The following ADGRB3 variants were observed in gnomAD, a reference collection of about 807,000 sequenced individuals.
ADGRB3 encodes the protein adhesion G protein-coupled receptor B3.
A neutral mutation model predicts 193.4 loss-of-function variants in ADGRB3; 37 were observed. The observed-to-expected ratio is 0.19, with a 90% CI of 0.15 to 0.25. The LOEUF is 0.25. Among genes scored for constraint, ADGRB3 ranks in the 10% least tolerant of loss-of-function variants. ADGRB3 has a pLI of 1.00. For missense variants in ADGRB3, 1,637 were observed against 1,852.9 expected, an observed-to-expected ratio of 0.88 and a Z score of 2.14; for synonymous variants, 690 against 644.2, an observed-to-expected ratio of 1.07 and a Z score of -1.08.
intron 10 of ADGRB3, among the ~76,000 whole-genome samples, chr6:68,988,121 G>A (rs1280930862): frequency 6.6e-6 from 1 of 152,104 alleles, no homozygotes; most frequent in African/African-American, 2.4e-5. Context: ...GTACTTTTGT[G>A]TGTCACATAG....
intron 16 of ADGRB3, among the ~76,000 whole-genome samples, chr6:69,070,368 G>A (rs1772045313): frequency 6.6e-6 from 1 of 151,964 alleles, no homozygotes; most frequent in Non-Finnish European, 1.5e-5. Flanking sequence ...ATTGATCTGT[G>A]GGGTACAATG....
At chr6:69,207,291 C>T (rs1031063373) in intron 17 of ADGRB3, among the ~76,000 whole-genome samples, 1 of 152,156 alleles carries the variant, frequency 6.6e-6, no homozygotes, top group Non-Finnish European at 1.5e-5. Flanking sequence ...GTGCCACTTC[C>T]ACTTCCATCC....
At chr6:69,164,765 G>T (rs1253977210) in intron 17 of ADGRB3, among the ~76,000 whole-genome samples, 18 of 152,104 alleles carry the variant, frequency 1.2e-4, no homozygotes, top group Admixed American at 1.2e-3. Context: ...TGAACTCTGG[G>T]AACCTCAATT....
intron 20 of ADGRB3, among the ~76,000 whole-genome samples, chr6:69,308,087 A>G (rs908114731): frequency 1.3e-5 from 2 of 151,484 alleles, no homozygotes; most frequent in Non-Finnish European, 2.9e-5. Context: ...TTGAGAAGAT[A>G]TAGACTTTTT....
At chr6:69,332,026 C>CAG (rs2127314391) in intron 23 of ADGRB3, 1 of 985,358 alleles carries the variant, frequency 1.0e-6, no homozygotes, top group Non-Finnish European at 1.2e-6. Context: ...TCTTCATTGG[C>CAG]AGCAGGGCAG....
chr6:69,023,887 T>G (rs751849907), intron 13 of ADGRB3, among the ~76,000 whole-genome samples: 12 of 152,092 alleles, frequency 7.9e-5, no homozygotes, highest in Non-Finnish European at 1.3e-4. Context: ...CATAACTGAC[T>G]GGGGTGTGAG....
chr6:68,640,752 C>T (rs1303516157), intron 3 of ADGRB3, among the ~76,000 whole-genome samples: 2 of 152,024 alleles, frequency 1.3e-5, no homozygotes, highest in African/African-American at 2.4e-5. Flanking sequence ...GATGGAGAAC[C>T]GAAATAGCCT....
intron 20 of ADGRB3, among the ~76,000 whole-genome samples, chr6:69,261,588 T>C (rs959946257): frequency 6.6e-6 from 1 of 152,048 alleles, no homozygotes; most frequent in Non-Finnish European, 1.5e-5. Flanking sequence ...CATTATAAAA[T>C]AAGAAAGTCC....
At chr6:68,925,537 T>C (rs887903784) in intron 3 of ADGRB3, among the ~76,000 whole-genome samples, 1 of 152,042 alleles carries the variant, frequency 6.6e-6, no homozygotes. Context: ...TTAATATTCT[T>C]TCTTGTTAGG....
intron 20 of ADGRB3, among the ~76,000 whole-genome samples, chr6:69,279,071 GTATATATATATATA>G (rs57824884): frequency 0.015 from 1,080 of 71,384 alleles, 53 homozygotes; most frequent in Middle Eastern, 0.03. Context: ...AAATACATAT[GTATATATATATATA>G]TATATATATA....
chr6:69,070,569 G>T (rs1272865939), intron 16 of ADGRB3, among the ~76,000 whole-genome samples: 2 of 152,078 alleles, frequency 1.3e-5, no homozygotes, highest in Non-Finnish European at 2.9e-5. Context: ...AATGTTTTCA[G>T]CATGTTATTT....
intron 3 of ADGRB3, among the ~76,000 whole-genome samples, chr6:68,789,904 C>T (rs188422610): frequency 5.3e-5 from 8 of 152,284 alleles, no homozygotes; most frequent in African/African-American, 1.7e-4. Flanking sequence ...TCATTAATTT[C>T]GTCTTCCATT....
intron 3 of ADGRB3, among the ~76,000 whole-genome samples, chr6:68,773,345 T>C (rs1766676223): frequency 6.6e-6 from 1 of 152,094 alleles, no homozygotes; most frequent in South Asian, 2.1e-4. Context: ...CCCTGTACTA[T>C]GTGCGCAAAA....
At chr6:68,843,086 G>A (rs1218049469) in intron 3 of ADGRB3, among the ~76,000 whole-genome samples, 2 of 151,490 alleles carry the variant, frequency 1.3e-5, no homozygotes, top group Admixed American at 6.6e-5. Context: ...ACTGAATGGG[G>A]AAAAACTGAA....
In ADGRB3 at chr6:68,700,433, C is replaced by T. The variant is rs1484066235; in HGVS notation, c.757+61001C>T. On this transcript the variant is annotated intron_variant, in intron 3 of 31. Coordinates refer to ENST00000370598, the MANE Select transcript of ADGRB3 (RefSeq NM_001704.3). ...CTATAAACGGTTGGAATCAATTTAGCATTATCTGATCATAGAAAAGGGATT... is the reference window on the plus strand; with the variant it reads ...CTATAAACGGTTGGAATCAATTTAGTATTATCTGATCATAGAAAAGGGATT... Among the ~76,000 whole-genome samples the T allele has an allele frequency of 2.0e-5, 3 of 152,038 alleles. No homozygotes were observed. In the East Asian group the frequency reaches 5.8e-4, roughly 29 times the overall value.
chr6:68,970,895 A>G (rs145078486), intron 8 of ADGRB3, among the ~76,000 whole-genome samples: 149 of 152,314 alleles, frequency 9.8e-4, no homozygotes, highest in African/African-American at 3.4e-3. Context: ...GATGGATCCA[A>G]TGGTTTTAGT....
intron 17 of ADGRB3, among the ~76,000 whole-genome samples, chr6:69,126,057 T>G (rs1293018361): frequency 6.6e-6 from 1 of 152,192 alleles, no homozygotes; most frequent in Non-Finnish European, 1.5e-5. Flanking sequence ...ATACTGTTTC[T>G]GAATATGCAC....
chr6:69,084,556 A>T (rs1772492344), intron 17 of ADGRB3, among the ~76,000 whole-genome samples: 1 of 152,168 alleles, frequency 6.6e-6, no homozygotes. Context: ...GAAAGACAAC[A>T]ATTTTAAAAT....
chr6:69,069,553 CAAAAAAAAAAA>C (rs57616226), intron 16 of ADGRB3, among the ~76,000 whole-genome samples: 10 of 31,780 alleles, frequency 3.1e-4, no homozygotes, highest in East Asian at 2.4e-3. Context: ...ACTAAAAATA[CAAAAAAAAAAA>C]AAAAAAAAAA....
Sources: gnomAD v4.1 joint callset for allele counts (sites outside exome capture counted in the v4.1 genomes callset) on GRCh38, gnomAD v4.1.1 for gene constraint, MANE v1.5 for transcripts, NCBI Gene and HGNC (gene_info 2026-07-23, HGNC 2026-07-21) for gene names.